ZNF701: variants seen among roughly 807,000 people sequenced by gnomAD.
ZNF701 encodes the protein zinc finger protein 701.
ZNF701 carries 6 observed loss-of-function variants against 7.1 expected under a neutral mutation model. The observed-to-expected ratio is 0.84, with a 90% confidence interval of 0.46 to 1.66. The LOEUF is 1.66. Ranked by LOEUF, ZNF701 falls within the 40% of genes most tolerant of loss-of-function variation. ZNF701 has a pLI of 0.01. For missense variants in ZNF701, 541 were observed against 559.2 expected (o/e 0.97, Z 0.33); for synonymous variants, 166 against 188.2 (o/e 0.88, Z 0.97).
At position 52,582,496 on chromosome 19, in the gene ZNF701, C is replaced by T. The variant is rs771723098; in HGVS notation, c.437C>T (p.Ser146Leu). Residue 146 changes from serine (S) to leucine (L), a missense_variant, in exon 4 of 4, where the codon TCG becomes TTG. Ser to Leu is a moderately radical substitution (Grantham distance 145). Transcript: ENST00000391785. ...AATGAGCTTGGATCAAGCTTTCATT[C>T]GCATCTGCCTGAAGTGCACATATTT... ...IKNELGSSFH[S>L]HLPEVHIFHP... 6 of 1,614,076 alleles carry T rather than the reference C, an allele frequency of 3.7e-6. No homozygotes were observed. The highest frequency in any genetic ancestry group is 2.7e-5 in the African/African-American group (2 of 74,934).
Position 52,583,664 on chromosome 19 carries a change from CCTGG to C in ZNF701, c.*209_*212del. 3.8e-6 allele frequency: 4 copies of C among 1,039,848 alleles called. No individual in the cohort carries two copies. The highest frequency in any genetic ancestry group is 6.1e-6 in the Non-Finnish European group (4 of 659,216). The allele number at this position is 1,039,848 out of a possible 1,614,324, so 64.4% of individuals were successfully genotyped here. On this transcript the variant is annotated 3_prime_UTR_variant, in exon 4 of 4. Coordinates refer to ENST00000391785, the MANE Select transcript of ZNF701 (RefSeq NM_018260.3). Reference sequence around the variant, plus strand: ...ACAAGGATTTCGGGTGTGATTCACACCTGGCCCAACATACTGGAATTCACACTGG... The same window carrying C: ...ACAAGGATTTCGGGTGTGATTCACACCCCAACATACTGGAATTCACACTGG...
intron 3 of ZNF701, among the ~76,000 whole-genome samples, chr19:52,579,466 TC>T (rs1213252525): frequency 4.0e-5 from 5 of 124,634 alleles, no homozygotes; most frequent in Non-Finnish European, 6.1e-5. Context: ...GTTGCAGTGA[TC>T]CGAGATTGTG....
the ZNF701 span, chr19:52,598,846 G>C: frequency 6.6e-6 from 1 of 152,186 alleles, no homozygotes; most frequent in Non-Finnish European, 1.5e-5. Context: ...AAAGTTGGAG[G>C]CTGCAGTGAG....
At chr19:52,589,861 C>A (rs752578154), downstream of ZNF701, among the ~76,000 whole-genome samples, 1 of 152,078 alleles carries the variant, frequency 6.6e-6, no homozygotes, top group African/African-American at 2.4e-5. Flanking sequence ...GGTGCAAACT[C>A]AGCTCACCTC....
At chr19:52,575,750 C>A in intron 2 of ZNF701, 145 bp from the exon 3 acceptor site, 1 of 574,780 alleles carries the variant, frequency 1.7e-6, no homozygotes, top group Non-Finnish European at 2.9e-6. Flanking sequence ...ACTGGGAAGA[C>A]ATCATGTGGT....
the ZNF701 span, among the ~76,000 whole-genome samples, chr19:52,598,285 T>G: frequency 6.6e-6 from 1 of 152,296 alleles, no homozygotes; most frequent in East Asian, 1.9e-4. Context: ...AAACAACATA[T>G]TGTGTTGGGC....
At chr19:52,597,673 G>C in the ZNF701 span, 3 of 321,030 alleles carry the variant, frequency 9.3e-6, no homozygotes, top group African/African-American at 2.2e-5. Flanking sequence ...GGTGGGACCT[G>C]ATTAGAAGGG....
intron 1 of ZNF701, chr19:52,570,751 GACCCCACCGAAGGCGTCGTCGC>G (rs1165202029): frequency 6.6e-6 from 1 of 152,264 alleles, no homozygotes; most frequent in African/African-American, 2.4e-5. Context: ...GGATCTTGTG[GACCCCACCGAAGGCGTCGTCGC>G]ACCCCACCTC....
chr19:52,578,828 G>A (rs1277989602), intron 3 of ZNF701, among the ~76,000 whole-genome samples: 1 of 152,126 alleles, frequency 6.6e-6, no homozygotes, highest in Non-Finnish European at 1.5e-5. Flanking sequence ...TGCGATCTCG[G>A]CTCACTGCAA....
rs34816302 is a variant in ZNF701 at position 52,586,354 on chromosome 19, TA to T, written c.*2908del. 2.4e-4 allele frequency: 35 copies of T among 148,882 alleles called. No homozygotes were observed. Among genetic ancestry groups the T allele is most frequent in the African/African-American group, 2.9e-4 (12 of 40,772 alleles). 9.2% of individuals were successfully genotyped at this position (148,882 alleles called of 1,614,324 possible). A position where few individuals can be genotyped will look rare whatever the true frequency, so the allele number is the denominator to read the frequency against. On this transcript the variant is annotated 3_prime_UTR_variant, in exon 4 of 4. Transcript: ENST00000391785. ...ACCATGCCCGCCTTATTTCTTAATT[TA>T]AAAAAAAAAATGTATATGTAGACTG...
the ZNF701 span, among the ~76,000 whole-genome samples, chr19:52,592,512 T>C: frequency 6.6e-6 from 1 of 152,230 alleles, no homozygotes; most frequent in Admixed American, 6.5e-5. Flanking sequence ...CTGAGCGGAA[T>C]TGTCACCATG....
chr19:52,592,323 A>G, the ZNF701 span: 1,915 of 1,263,688 alleles, frequency 1.5e-3, 6 homozygotes, highest in Non-Finnish European at 2.0e-3. Context: ...TGCCCCATAC[A>G]TGCTTTTCAT....
chr19:52,574,043 T>G, intron 1 of ZNF701, 34 bp from the exon 2 acceptor site: 1 of 1,599,074 alleles, frequency 6.3e-7, no homozygotes, highest in Non-Finnish European at 8.5e-7. Context: ...GTGTGTTGAT[T>G]CTGAGCAGTA....
intron 1 of ZNF701, 84 bp downstream of exon 1, chr19:52,570,414 C>T (rs1203303546): frequency 6.6e-6 from 1 of 152,276 alleles, no homozygotes; most frequent in Non-Finnish European, 1.5e-5. Flanking sequence ...TCACCACAGA[C>T]CTGTAAATTC....
downstream of ZNF701, among the ~76,000 whole-genome samples, chr19:52,590,368 G>A (rs765692373): frequency 1.1e-4 from 17 of 152,010 alleles, no homozygotes; most frequent in African/African-American, 3.6e-4. Flanking sequence ...TTCAAGTCCT[G>A]GTGTGAGCCA....
At chr19:52,572,492 G>T in intron 1 of ZNF701, 2 of 946,934 alleles carry the variant, frequency 2.1e-6, no homozygotes, top group Non-Finnish European at 1.4e-6. Context: ...TTTATCCCAG[G>T]TATGTGAAAG....
intron 1 of ZNF701, among the ~76,000 whole-genome samples, chr19:52,571,292 G>A (rs1328936372): frequency 6.6e-6 from 1 of 151,972 alleles, no homozygotes; most frequent in Non-Finnish European, 1.5e-5. Context: ...GCAGAGTGGT[G>A]CTGGTGGCAA....
At chr19:52,592,772 T>TAGAGATGGGATATG in the ZNF701 span, among the ~76,000 whole-genome samples, 2 of 127,774 alleles carry the variant, frequency 1.6e-5, no homozygotes, top group Admixed American at 8.0e-5. Flanking sequence ...GTATTTTTTT[T>TAGAGATGGGATATG]ATTTTTATTT....
At position 52,586,740 on chromosome 19, in the gene ZNF701, A is replaced by G. The variant is rs1408480279; in HGVS notation, c.*3283A>G. On this transcript the variant is annotated 3_prime_UTR_variant, in exon 4 of 4. Transcript: ENST00000391785. ...ATACAGGTGAGGGAGAAGACCAGAA[A>G]AGCTCAGTCAGAGTGACACTGACCC... 2 of 152,180 alleles carry G rather than the reference A, an allele frequency of 1.3e-5. No homozygotes were observed. Among genetic ancestry groups the G allele is most frequent in the Non-Finnish European group, 2.9e-5 (2 of 68,040 alleles). 9.4% of individuals were successfully genotyped at this position (152,180 alleles called of 1,614,324 possible). A position where few individuals can be genotyped will look rare whatever the true frequency, so the allele number is the denominator to read the frequency against.
Sources: gnomAD v4.1 joint callset for allele counts (sites outside exome capture counted in the v4.1 genomes callset) on GRCh38, gnomAD v4.1.1 for gene constraint, MANE v1.5 for transcripts, NCBI Gene and HGNC (gene_info 2026-07-23, HGNC 2026-07-21) for gene names.